Variants in RARB observed in about 807,000 individuals in gnomAD.
RARB encodes the protein HBV-activated protein.
A neutral mutation model predicts 51.9 loss-of-function variants in RARB; 17 were observed. That is an observed-to-expected ratio of 0.33 (90% CI 0.22 to 0.49). The LOEUF (loss-of-function observed/expected upper bound fraction) is 0.49. Among genes scored for constraint, RARB ranks in the 20% least tolerant of loss-of-function variants. RARB has a pLI of 0.99. For missense variants in RARB, 369 were observed against 550.8 expected, an observed-to-expected ratio of 0.67 and a Z score of 3.30; for synonymous variants, 215 against 195.4, an observed-to-expected ratio of 1.10 and a Z score of -0.84.
At chr3:25,170,673 G>A (rs1164778621) in intron 4 of RARB, among the ~76,000 whole-genome samples, 1 of 152,118 alleles carries the variant, frequency 6.6e-6, no homozygotes. Flanking sequence ...GACCTCTCGT[G>A]AATGAAATGC....
At position 25,300,352 on chromosome 3, in the gene RARB, A is replaced by G. The variant is rs537757698; in HGVS notation, c.178+125777A>G. ...GAGGAAGGAGAGTATGTGCTGAACA[A>G]TAGTTTTTCACAATGTGCAAGACTC... On this transcript the variant is annotated intron_variant, in intron 5 of 11. Coordinates refer to the RARB transcript ENST00000383772. Among the ~76,000 whole-genome samples, 5 of 152,356 alleles carry G rather than the reference A, an allele frequency of 3.3e-5. 1 individual carries two copies. In the East Asian group the frequency reaches 7.7e-4, roughly 24 times the overall value.
intron 5 of RARB, among the ~76,000 whole-genome samples, chr3:25,317,796 AC>A (rs913413754): frequency 6.6e-5 from 10 of 152,314 alleles, no homozygotes; most frequent in African/African-American, 2.4e-4. Flanking sequence ...TCTCCTACAA[AC>A]TTAAGGCTAT....
intron 2 of RARB, among the ~76,000 whole-genome samples, chr3:24,979,012 C>T (rs538749526): frequency 7.4e-4 from 113 of 152,190 alleles, no homozygotes; most frequent in African/African-American, 2.7e-3. Context: ...ATTATTTACC[C>T]AGTAGTCATT....
chr3:25,172,949 T>A (rs1468216272), intron 4 of RARB, among the ~76,000 whole-genome samples: 1 of 152,226 alleles, frequency 6.6e-6, no homozygotes, highest in Non-Finnish European at 1.5e-5. Flanking sequence ...GCAGAATTAT[T>A]TGAGCTGGAC....
At chr3:25,421,810 A>G (rs1707872787) in intron 5 of RARB, among the ~76,000 whole-genome samples, 1 of 152,168 alleles carries the variant, frequency 6.6e-6, no homozygotes. Context: ...GAGAATATAG[A>G]AGTTAAGTAA....
At chr3:25,595,913 G>A (rs1416291895) in intron 7 of RARB, among the ~76,000 whole-genome samples, 1 of 152,118 alleles carries the variant, frequency 6.6e-6, no homozygotes, top group Non-Finnish European at 1.5e-5. Flanking sequence ...GTTATTTCCT[G>A]AAACTAAGAC....
At chr3:25,451,419 C>T (rs1709188957) in intron 1 of RARB, among the ~76,000 whole-genome samples, 1 of 152,212 alleles carries the variant, frequency 6.6e-6, no homozygotes, top group African/African-American at 2.4e-5. Flanking sequence ...TTTATGCAGG[C>T]TCATGGCATT....
intron 4 of RARB, among the ~76,000 whole-genome samples, chr3:25,138,688 A>G (rs1664695892): frequency 6.6e-6 from 1 of 152,122 alleles, no homozygotes; most frequent in South Asian, 2.1e-4. Flanking sequence ...ATCTGCATGG[A>G]CAATTATTTT....
chr3:25,525,198 A>C (rs1234995581), intron 3 of RARB, among the ~76,000 whole-genome samples: 1 of 152,188 alleles, frequency 6.6e-6, no homozygotes, highest in East Asian at 1.9e-4. Context: ...AAAATAGAAC[A>C]CTCAAAGATC....
chr3:25,330,693 G>T (rs1299766697), intron 5 of RARB, among the ~76,000 whole-genome samples: 2 of 152,160 alleles, frequency 1.3e-5, no homozygotes, highest in East Asian at 1.9e-4. Context: ...TGGGTTAAAT[G>T]CTCCAATTAA....
At chr3:24,949,469 C>T (rs1332776955) in intron 2 of RARB, among the ~76,000 whole-genome samples, 2 of 151,496 alleles carry the variant, frequency 1.3e-5, no homozygotes, top group African/African-American at 4.9e-5. Flanking sequence ...AAATAACTAA[C>T]TTCATAGCAA....
intron 1 of RARB, among the ~76,000 whole-genome samples, chr3:25,446,321 C>T (rs1708927937): frequency 6.6e-6 from 1 of 152,204 alleles, no homozygotes; most frequent in African/African-American, 2.4e-5. Flanking sequence ...CTGAAAACTA[C>T]ACCAAATCTG....
At chr3:24,953,838 C>T (rs977673344) in intron 2 of RARB, among the ~76,000 whole-genome samples, 1 of 152,146 alleles carries the variant, frequency 6.6e-6, no homozygotes, top group Non-Finnish European at 1.5e-5. Context: ...TACTTGACTT[C>T]TTGTCCAGGA....
chr3:24,829,550 T>C (rs1702252392), intron 1 of RARB, among the ~76,000 whole-genome samples: 1 of 151,850 alleles, frequency 6.6e-6, no homozygotes, highest in Non-Finnish European at 1.5e-5. Context: ...GGATTTTGCG[T>C]GTACCGCGGC....
intron 2 of RARB, among the ~76,000 whole-genome samples, chr3:25,473,635 C>A (rs1695809894): frequency 6.6e-6 from 1 of 152,122 alleles, no homozygotes; most frequent in Non-Finnish European, 1.5e-5. Context: ...TCAGTACAGT[C>A]AAGGTGGCCC....
chr3:25,530,627 G>A (rs1218267025), intron 3 of RARB, among the ~76,000 whole-genome samples: 1 of 152,164 alleles, frequency 6.6e-6, no homozygotes, highest in East Asian at 1.9e-4. Context: ...AACTCTTCAG[G>A]CTTCCTCTTC....
chr3:25,307,737 A>G (rs532147035), intron 5 of RARB, among the ~76,000 whole-genome samples: 1 of 152,316 alleles, frequency 6.6e-6, no homozygotes, highest in Admixed American at 6.5e-5. Context: ...GACGAGGCAC[A>G]CAGAGGGTGT....
chr3:25,114,942 A>G (rs1699661882), intron 3 of RARB, among the ~76,000 whole-genome samples: 1 of 152,236 alleles, frequency 6.6e-6, no homozygotes, highest in South Asian at 2.1e-4. Flanking sequence ...CTCTGAGTAT[A>G]AAGAAGTTTT....
chr3:24,877,254 G>T (rs947592309), intron 2 of RARB, among the ~76,000 whole-genome samples: 1 of 150,046 alleles, frequency 6.7e-6, no homozygotes, highest in Non-Finnish European at 1.5e-5. Flanking sequence ...CTGAAAAAGA[G>T]GATAAATACA....
Sources: allele counts gnomAD v4.1 joint callset (sites outside exome capture counted in the v4.1 genomes callset), GRCh38; gene constraint gnomAD v4.1.1; transcripts MANE v1.5; gene names NCBI Gene and HGNC (gene_info 2026-07-23, HGNC 2026-07-21).